NELL1: variants seen among roughly 807,000 people sequenced by gnomAD.
The protein encoded by NELL1 is protein kinase C-binding protein NELL1.
A neutral mutation model predicts 107.4 loss-of-function variants in NELL1; 76 were observed. The observed-to-expected ratio is 0.71, with a 90% CI of 0.59 to 0.86. The LOEUF is 0.86. NELL1 is among the 40% of genes least tolerant of loss of function. The probability of loss-of-function intolerance (pLI) is 0.00; values close to 1 mark genes in which losing one functional copy is unlikely to be tolerated. For synonymous variants in NELL1, 353 were observed against 341.2 expected (o/e 1.03, Z -0.38); for missense variants, 1,024 against 1,005.5 (o/e 1.02, Z -0.25).
At chr11:20,853,982 C>T (rs898309995) in intron 4 of NELL1, among the ~76,000 whole-genome samples, 1 of 152,058 alleles carries the variant, frequency 6.6e-6, no homozygotes, top group Non-Finnish European at 1.5e-5. Flanking sequence ...GCCCACTTTC[C>T]CTTTTTATTC....
chr11:21,047,355 C>CT, intron 12 of NELL1, among the ~76,000 whole-genome samples: 1 of 151,946 alleles, frequency 6.6e-6, no homozygotes, highest in African/African-American at 2.4e-5. Context: ...AATGGAAATA[C>CT]TTTTTTATAA....
chr11:21,311,289 T>A (rs1849744421), intron 14 of NELL1, among the ~76,000 whole-genome samples: 1 of 152,168 alleles, frequency 6.6e-6, no homozygotes, highest in Admixed American at 6.6e-5. Flanking sequence ...TATATGTCTT[T>A]AAGGCGATTA....
chr11:21,120,248 A>C (rs971170644), intron 13 of NELL1, among the ~76,000 whole-genome samples: 2 of 151,548 alleles, frequency 1.3e-5, no homozygotes, highest in South Asian at 4.1e-4. Context: ...TAAAAGTAAT[A>C]GTTAGTTGTT....
intron 12 of NELL1, among the ~76,000 whole-genome samples, chr11:21,024,586 T>G (rs929820231): frequency 6.6e-6 from 1 of 152,168 alleles, no homozygotes; most frequent in Non-Finnish European, 1.5e-5. Context: ...CAAGAATGCC[T>G]GGCATAGTAA....
chr11:21,144,461 A>G (rs909780694), intron 13 of NELL1, among the ~76,000 whole-genome samples: 3 of 152,184 alleles, frequency 2.0e-5, no homozygotes, highest in African/African-American at 7.2e-5. Context: ...AAAACAATGC[A>G]TATAAAGCTT....
chr11:21,222,893 T>G (rs1174796808), intron 13 of NELL1, among the ~76,000 whole-genome samples: 1 of 152,056 alleles, frequency 6.6e-6, no homozygotes, highest in South Asian at 2.1e-4. Flanking sequence ...TTTGTTCCAT[T>G]GTGGTCTGTG....
intron 14 of NELL1, among the ~76,000 whole-genome samples, chr11:21,361,457 A>G (rs1467110548): frequency 6.6e-6 from 1 of 151,984 alleles, no homozygotes; most frequent in Non-Finnish European, 1.5e-5. Flanking sequence ...TAATGACTGC[A>G]TGCCTATGTG....
At chr11:21,336,411 G>A (rs985670612) in intron 14 of NELL1, among the ~76,000 whole-genome samples, 1 of 151,764 alleles carries the variant, frequency 6.6e-6, no homozygotes, top group Non-Finnish European at 1.5e-5. Context: ...TCAACAAGTG[G>A]GCAAGTTAGG....
At chr11:20,859,314 A>C (rs993922350) in intron 4 of NELL1, among the ~76,000 whole-genome samples, 1 of 152,188 alleles carries the variant, frequency 6.6e-6, no homozygotes, top group Non-Finnish European at 1.5e-5. Context: ...TAGATGCTAG[A>C]AGGCTTATGT....
chr11:21,069,092 T>G (rs947273113), intron 12 of NELL1, among the ~76,000 whole-genome samples: 2 of 152,162 alleles, frequency 1.3e-5, no homozygotes, highest in African/African-American at 4.8e-5. Flanking sequence ...AATTTGGATT[T>G]GAAAGTAGTG....
chr11:20,740,624 G>A (rs1014831339), intron 2 of NELL1, among the ~76,000 whole-genome samples: 2 of 152,146 alleles, frequency 1.3e-5, no homozygotes, highest in Non-Finnish European at 2.9e-5. Flanking sequence ...CCAAGTTGCA[G>A]CATTTGATTT....
intron 14 of NELL1, among the ~76,000 whole-genome samples, chr11:21,250,560 A>G (rs1858612058): frequency 6.6e-6 from 1 of 152,192 alleles, no homozygotes; most frequent in Non-Finnish European, 1.5e-5. Flanking sequence ...ATAGATAAGG[A>G]AAGTTGTCAT....
intron 14 of NELL1, among the ~76,000 whole-genome samples, chr11:21,229,887 G>A (rs1463314949): frequency 6.6e-6 from 1 of 152,092 alleles, no homozygotes; most frequent in Non-Finnish European, 1.5e-5. Context: ...TCAATTCAGA[G>A]GCCAGCGCCC....
chr11:21,187,514 G>T (rs1856959365), intron 13 of NELL1, among the ~76,000 whole-genome samples: 1 of 151,630 alleles, frequency 6.6e-6, no homozygotes. Flanking sequence ...CACATTGACT[G>T]GTCTATTAAG....
intron 15 of NELL1, among the ~76,000 whole-genome samples, chr11:21,446,785 T>C (rs1251527690): frequency 6.6e-6 from 1 of 152,168 alleles, no homozygotes; most frequent in Non-Finnish European, 1.5e-5. Context: ...CTACCACCTA[T>C]GTTGGTTCAA....
At chr11:20,735,712 G>T (rs542728078) in intron 2 of NELL1, among the ~76,000 whole-genome samples, 1 of 152,326 alleles carries the variant, frequency 6.6e-6, no homozygotes, top group South Asian at 2.1e-4. Context: ...AAAGAGAAAG[G>T]ATGGTAAAGA....
intron 15 of NELL1, among the ~76,000 whole-genome samples, chr11:21,459,368 A>AAAAAAAAAG: frequency 6.6e-6 from 1 of 151,786 alleles, no homozygotes; most frequent in East Asian, 1.9e-4. Flanking sequence ...AAAAAAAAAA[A>AAAAAAAAAG]AAGTAGGATT....
At chr11:20,785,277 A>G (rs1046750716) in intron 3 of NELL1, among the ~76,000 whole-genome samples, 6 of 152,164 alleles carry the variant, frequency 3.9e-5, no homozygotes, top group African/African-American at 1.4e-4. Context: ...GTGGTGATGG[A>G]CCCTGATCAT....
chr11:21,024,196 T>A lies in NELL1; in HGVS notation c.1300+63636T>A, dbSNP rs573691747. Among the ~76,000 whole-genome samples, 6 of 152,268 alleles carry A rather than the reference T, an allele frequency of 3.9e-5. No homozygotes were observed. In the South Asian group the frequency reaches 1.0e-3, roughly 26 times the overall value. ...AAATTTTAGGAATGCACTGGTTTCG[T>A]TCATTTATTTACTTCATTCACAAAT... On this transcript the variant is annotated intron_variant, in intron 12 of 19. Transcript: ENST00000357134.
Sources: gnomAD v4.1 joint callset for allele counts (sites outside exome capture counted in the v4.1 genomes callset) on GRCh38, gnomAD v4.1.1 for gene constraint, MANE v1.5 for transcripts, NCBI Gene and HGNC (gene_info 2026-07-23, HGNC 2026-07-21) for gene names.